The following CEP112 variants were observed in gnomAD, a reference collection of about 807,000 sequenced individuals.
CEP112 encodes the protein centrosomal protein 112.
Under a neutral mutation model 153.0 loss-of-function variants are expected in CEP112, and 127 were observed. The ratio of observed to expected loss-of-function variants is 0.83; its 90% CI spans 0.72 to 0.96. The LOEUF is 0.96. Among genes scored for constraint, CEP112 ranks in the 40% least tolerant of loss-of-function variants. CEP112 has a pLI of 0.00. For missense variants in CEP112, 1,089 were observed against 1,101.2 expected (o/e 0.99, Z 0.16); for synonymous variants, 358 against 374.4 (o/e 0.96, Z 0.51).
At chr17:65,908,344 T>C (rs967585247) in intron 19 of CEP112, among the ~76,000 whole-genome samples, 10 of 152,184 alleles carry the variant, frequency 6.6e-5, no homozygotes, top group African/African-American at 2.4e-4. Context: ...TTGGGGTTCA[T>C]TGTCTAGAAA....
At chr17:66,080,432 T>C (rs2067671211) in intron 8 of CEP112, among the ~76,000 whole-genome samples, 1 of 152,136 alleles carries the variant, frequency 6.6e-6, no homozygotes, top group African/African-American at 2.4e-5. Context: ...TCACTGGTCA[T>C]TAGAGAAATG....
chr17:65,636,287 G>A (rs1008763590), intron 26 of CEP112, among the ~76,000 whole-genome samples: 1 of 152,188 alleles, frequency 6.6e-6, no homozygotes. Flanking sequence ...TGTTAGTGAT[G>A]GCACTGGGAA....
chr17:65,997,721 ATATG>A (rs1015522419), intron 17 of CEP112, among the ~76,000 whole-genome samples: 3 of 152,014 alleles, frequency 2.0e-5, no homozygotes, highest in South Asian at 4.1e-4. Flanking sequence ...ACATACATAT[ATATG>A]TATGTTTTTA....
At chr17:65,821,513 ATTATATATATATATATATATATAT>A (rs1568066910) in intron 21 of CEP112, among the ~76,000 whole-genome samples, 4 of 84,684 alleles carry the variant, frequency 4.7e-5, no homozygotes, top group African/African-American at 1.8e-4. Flanking sequence ...TATATATATA[ATTATATATATATATATATATATAT>A]ATATTTTTTT....
At chr17:65,828,232 A>T (rs536555497) in intron 21 of CEP112, among the ~76,000 whole-genome samples, 1 of 152,296 alleles carries the variant, frequency 6.6e-6, no homozygotes, top group East Asian at 1.9e-4. Flanking sequence ...ATTTCTTTTC[A>T]AAATAGTCTC....
chr17:66,031,497 T>TTTTG (rs1555776192), intron 12 of CEP112, among the ~76,000 whole-genome samples: 1 of 148,184 alleles, frequency 6.7e-6, no homozygotes, highest in Non-Finnish European at 1.5e-5. Context: ...TTTTTTTTTT[T>TTTTG]TTTTGAGACA....
At chr17:65,980,224 C>A (rs756997165) in intron 17 of CEP112, among the ~76,000 whole-genome samples, 2 of 152,056 alleles carry the variant, frequency 1.3e-5, no homozygotes, top group African/African-American at 4.8e-5. Context: ...TATTCTACAA[C>A]TAAAATGAAT....
At chr17:66,164,217 G>A (rs7216429) in intron 4 of CEP112, among the ~76,000 whole-genome samples, 37,087 of 152,132 alleles carry the variant, frequency 0.24, 4,715 homozygotes, top group Middle Eastern at 0.36. Flanking sequence ...TAGAGTACAA[G>A]GTTAAGTGTC....
intron 6 of CEP112, among the ~76,000 whole-genome samples, chr17:66,120,028 T>C (rs1174979765): frequency 6.6e-6 from 1 of 152,206 alleles, no homozygotes; most frequent in Non-Finnish European, 1.5e-5. Context: ...TGGATAAAGG[T>C]ATTTGCCAGA....
chr17:65,952,127 G>A (rs2061856540), intron 18 of CEP112, among the ~76,000 whole-genome samples: 1 of 152,050 alleles, frequency 6.6e-6, no homozygotes, highest in Non-Finnish European at 1.5e-5. Flanking sequence ...GACTTGTCTT[G>A]TATCCAAGCA....
Position 66,129,898 on chromosome 17 carries a change from T to C in CEP112, c.565-75A>G, listed in dbSNP as rs1005265593. 5 of 856,216 alleles carry C rather than the reference T, an allele frequency of 5.8e-6. No individual in the cohort carries two copies. In the African/African-American group the frequency reaches 5.9e-5, roughly 10 times the overall value. 53.0% of individuals were successfully genotyped at this position (856,216 alleles called of 1,614,324 possible). A position where few individuals can be genotyped will look rare whatever the true frequency, so the allele number is the denominator to read the frequency against. On this transcript the variant is annotated intron_variant, in intron 5 of 26. Coordinates refer to ENST00000535342, the MANE Select transcript of CEP112 (RefSeq NM_001199165.4). The stretch of plus-strand genomic sequence containing the variant: ...AAATAAAAGGAAAAGATGGAAGAGA[T>C]AAAAGAGGAAAAGATAGAAGAGATA...
intron 21 of CEP112, among the ~76,000 whole-genome samples, chr17:65,847,128 AAG>A: frequency 1.3e-5 from 2 of 152,232 alleles, no homozygotes; most frequent in African/African-American, 4.8e-5. Flanking sequence ...GCCTATGTAA[AAG>A]AGAGTCTTCC....
intron 21 of CEP112, among the ~76,000 whole-genome samples, chr17:65,785,783 T>C (rs550233849): frequency 6.6e-6 from 1 of 152,320 alleles, no homozygotes; most frequent in East Asian, 1.9e-4. Context: ...TTTCTAAAAG[T>C]TTTATAGTTT....
At chr17:65,898,157 C>T (rs1003968283) in intron 20 of CEP112, among the ~76,000 whole-genome samples, 3 of 151,874 alleles carry the variant, frequency 2.0e-5, no homozygotes, top group African/African-American at 7.3e-5. Flanking sequence ...TAGTAGCTGG[C>T]ATATAAAAAA....
At chr17:65,997,918 G>A (rs2063853342) in intron 17 of CEP112, among the ~76,000 whole-genome samples, 1 of 151,966 alleles carries the variant, frequency 6.6e-6, no homozygotes, top group South Asian at 2.1e-4. Context: ...TCTACAATAT[G>A]CCAAAGCACA....
intron 21 of CEP112, among the ~76,000 whole-genome samples, chr17:65,754,161 A>T (rs1331457855): frequency 6.6e-6 from 1 of 152,238 alleles, no homozygotes; most frequent in Non-Finnish European, 1.5e-5. Flanking sequence ...TTATAATTTT[A>T]AAAATACTGA....
chr17:65,737,764 T>C (rs1399241334), intron 23 of CEP112, among the ~76,000 whole-genome samples: 1 of 152,242 alleles, frequency 6.6e-6, no homozygotes, highest in African/African-American at 2.4e-5. Context: ...AACCATTTGC[T>C]ATTGAATACT....
intron 6 of CEP112, among the ~76,000 whole-genome samples, chr17:66,109,466 T>C (rs1486859081): frequency 6.6e-6 from 1 of 151,500 alleles, no homozygotes; most frequent in African/African-American, 2.4e-5. Flanking sequence ...TAAAGTATAA[T>C]AATAAAAAAA....
intron 4 of CEP112, among the ~76,000 whole-genome samples, chr17:66,138,050 C>T (rs2070517095): frequency 6.6e-6 from 1 of 152,130 alleles, no homozygotes; most frequent in Non-Finnish European, 1.5e-5. Flanking sequence ...GCTCACCGCA[C>T]AGAAAGTCAA....
Sources: allele counts gnomAD v4.1 joint callset (sites outside exome capture counted in the v4.1 genomes callset), GRCh38; gene constraint gnomAD v4.1.1; transcripts MANE v1.5; gene names NCBI Gene and HGNC (gene_info 2026-07-23, HGNC 2026-07-21).